The following ROBO2 variants were observed in gnomAD, a reference collection of about 807,000 sequenced individuals.
The protein encoded by ROBO2 is roundabout guidance receptor 2, also known as roundabout homolog 2.
Under a neutral mutation model 160.8 loss-of-function variants are expected in ROBO2, and 53 were observed. That is an observed-to-expected ratio of 0.33 (90% confidence interval 0.26 to 0.41). The LOEUF (loss-of-function observed/expected upper bound fraction) is 0.41. Among genes scored for constraint, ROBO2 ranks in the 10% least tolerant of loss-of-function variants. ROBO2 has a pLI of 1.00. For missense variants in ROBO2, 1,577 were observed against 1,722.4 expected (o/e 0.92, Z 1.49); for synonymous variants, 664 against 611.7 (o/e 1.09, Z -1.26).
intron 1 of ROBO2, among the ~76,000 whole-genome samples, chr3:77,057,080 A>G (rs2065824468): frequency 6.6e-6 from 1 of 152,214 alleles, no homozygotes; most frequent in Non-Finnish European, 1.5e-5. Context: ...CATCAGGGAT[A>G]GACTGGATTA....
chr3:76,641,173 G>A (rs895301627), intron 2 of ROBO2, among the ~76,000 whole-genome samples: 2 of 152,144 alleles, frequency 1.3e-5, no homozygotes, highest in African/African-American at 2.4e-5. Context: ...ACAGGATACA[G>A]GCATAGTTTT....
intron 1 of ROBO2, among the ~76,000 whole-genome samples, chr3:77,049,847 T>A (rs2065041358): frequency 6.6e-6 from 1 of 152,150 alleles, no homozygotes; most frequent in Non-Finnish European, 1.5e-5. Context: ...GAAACCAGAC[T>A]GGAATTTAAG....
intron 2 of ROBO2, among the ~76,000 whole-genome samples, chr3:77,274,634 A>G (rs574395535): frequency 6.6e-6 from 1 of 152,256 alleles, no homozygotes; most frequent in South Asian, 2.1e-4. Flanking sequence ...GTAGAGATTG[A>G]ATTACATGGA....
chr3:77,023,766 T>C (rs2062785718), intron 2 of ROBO2, among the ~76,000 whole-genome samples: 1 of 152,174 alleles, frequency 6.6e-6, no homozygotes, highest in African/African-American at 2.4e-5. Flanking sequence ...CCTATACTAA[T>C]GAAATTCTCA....
chr3:76,759,232 C>T (rs1174748163), intron 2 of ROBO2, among the ~76,000 whole-genome samples: 1 of 151,740 alleles, frequency 6.6e-6, no homozygotes, highest in African/African-American at 2.4e-5. Flanking sequence ...GACTGGAAGT[C>T]ATCTTTAATT....
intron 2 of ROBO2, among the ~76,000 whole-genome samples, chr3:77,125,599 C>T (rs115353908): frequency 0.012 from 1,797 of 152,088 alleles, 21 homozygotes; most frequent in Non-Finnish European, 0.019. Flanking sequence ...TATTTATGTC[C>T]GCGTGCCTGA....
chr3:76,777,735 G>T (rs573612433), intron 2 of ROBO2, among the ~76,000 whole-genome samples: 3 of 151,078 alleles, frequency 2.0e-5, no homozygotes, highest in South Asian at 2.1e-4. Flanking sequence ...TCTGGTTCTT[G>T]TATAAGAGAT....
At chr3:76,286,689 T>G (rs1708522315) in intron 2 of ROBO2, among the ~76,000 whole-genome samples, 1 of 152,104 alleles carries the variant, frequency 6.6e-6, no homozygotes, top group Non-Finnish European at 1.5e-5. Context: ...TGGGTGTTGT[T>G]TTGTTTTGGA....
chr3:76,562,088 GC>G (rs1341774776), intron 2 of ROBO2, among the ~76,000 whole-genome samples: 1 of 151,778 alleles, frequency 6.6e-6, no homozygotes, highest in Non-Finnish European at 1.5e-5. Flanking sequence ...GGGAAATCTA[GC>G]CCCAGAGCAT....
At chr3:76,896,823 G>A (rs1327166816) in intron 2 of ROBO2, among the ~76,000 whole-genome samples, 4 of 152,072 alleles carry the variant, frequency 2.6e-5, no homozygotes, top group African/African-American at 9.7e-5. Flanking sequence ...TGAGGACTTA[G>A]GAGAATTTCT....
intron 2 of ROBO2, among the ~76,000 whole-genome samples, chr3:77,202,169 C>G (rs900462749): frequency 6.6e-5 from 10 of 152,202 alleles, no homozygotes; most frequent in South Asian, 4.1e-4. Context: ...GGGAAGCCAT[C>G]CAACTGTGAA....
intron 2 of ROBO2, among the ~76,000 whole-genome samples, chr3:76,459,445 A>G (rs2077966043): frequency 6.6e-6 from 1 of 152,190 alleles, no homozygotes; most frequent in South Asian, 2.1e-4. Context: ...GAGTTATTTA[A>G]AAGTACCTTT....
intron 1 of ROBO2, among the ~76,000 whole-genome samples, chr3:75,925,879 A>G (rs759414760): frequency 6.6e-6 from 1 of 152,212 alleles, no homozygotes; most frequent in Non-Finnish European, 1.5e-5. Context: ...GATTAAAACC[A>G]AGTAGGATTG....
At chr3:77,423,666 T>A (rs2077920196) in intron 2 of ROBO2, among the ~76,000 whole-genome samples, 1 of 152,160 alleles carries the variant, frequency 6.6e-6, no homozygotes, top group African/African-American at 2.4e-5. Flanking sequence ...TGCCCAGCAT[T>A]TTTGCTGATA....
intron 2 of ROBO2, among the ~76,000 whole-genome samples, chr3:76,561,771 T>C (rs1434227889): frequency 3.3e-5 from 5 of 152,180 alleles, no homozygotes; most frequent in Non-Finnish European, 7.4e-5. Context: ...TTATTACTCT[T>C]TGATGCGGTC....
At chr3:77,185,324 A>C (rs1184420912) in intron 2 of ROBO2, among the ~76,000 whole-genome samples, 1 of 151,998 alleles carries the variant, frequency 6.6e-6, no homozygotes, top group Non-Finnish European at 1.5e-5. Flanking sequence ...GAAAGTATAG[A>C]GAGTCAAAGG....
At chr3:76,424,762 T>C (rs1559924118) in intron 2 of ROBO2, among the ~76,000 whole-genome samples, 1 of 152,302 alleles carries the variant, frequency 6.6e-6, no homozygotes, top group East Asian at 1.9e-4. Context: ...AGTTTCATGA[T>C]GTATATTTAT....
chr3:77,612,219 T>A (rs1467243225), intron 21 of ROBO2, among the ~76,000 whole-genome samples: 1 of 152,224 alleles, frequency 6.6e-6, no homozygotes, highest in Non-Finnish European at 1.5e-5. Context: ...TTTTTCAATG[T>A]TACTACAAGA....
intron 1 of ROBO2, among the ~76,000 whole-genome samples, chr3:77,087,210 A>G (rs1210188087): frequency 6.6e-6 from 1 of 152,220 alleles, no homozygotes; most frequent in African/African-American, 2.4e-5. Context: ...AGACACACTC[A>G]TAGTCTTCAT....
Sources: allele counts gnomAD v4.1 joint callset (sites outside exome capture counted in the v4.1 genomes callset), GRCh38; gene constraint gnomAD v4.1.1; transcripts MANE v1.5; gene names NCBI Gene and HGNC (gene_info 2026-07-23, HGNC 2026-07-21).